The following BRME1 variants were observed in gnomAD, a reference collection of about 807,000 sequenced individuals.
BRME1 encodes the protein break repair meiotic recombinase recruitment factor 1.
Under a neutral mutation model 52.6 loss-of-function variants are expected in BRME1, and 31 were observed. The observed-to-expected ratio is 0.59, with a 90% CI of 0.44 to 0.80. BRME1 has a LOEUF of 0.80. Ranked by LOEUF, BRME1 falls within the 30% of genes least tolerant of loss-of-function variation. The probability of loss-of-function intolerance (pLI) is 0.00; values close to 1 mark genes in which losing one functional copy is unlikely to be tolerated. For missense variants in BRME1, 804 were observed against 860.3 expected, an observed-to-expected ratio of 0.93 and a Z score of 0.82; for synonymous variants, 359 against 353.6, an observed-to-expected ratio of 1.02 and a Z score of -0.17.
Position 13,889,858 on chromosome 19 carries a change from G to C in BRME1, c.998C>G (p.Ser333Cys). 2 of 1,613,248 alleles carry C rather than the reference G, an allele frequency of 1.2e-6. No individual in the cohort carries two copies. Among genetic ancestry groups the C allele is most frequent in the Non-Finnish European group, 8.5e-7 (1 of 1,179,988 alleles). ...EGTHSSLGCS[S>C]LGMVVIADLS... Reference sequence around the variant, plus strand: ...GTCTGCGATGACAACCATCCCGAGGGAGGAGCATCCCAGGCTGCTATGAGT... The same window carrying C: ...GTCTGCGATGACAACCATCCCGAGGCAGGAGCATCCCAGGCTGCTATGAGT... Residue 333 changes from serine to cysteine, a missense_variant, in exon 6 of 9, where the codon TCC becomes TGC. This residue lies in a region of BRME1 where 552 missense variants were observed against 561.1 expected (regional missense o/e 0.98). Coordinates refer to ENST00000586783, the MANE Select transcript of BRME1 (RefSeq NM_001345843.2).
At chr19:13,893,831 C>T (rs955406521) in intron 3 of BRME1, among the ~76,000 whole-genome samples, 10 of 151,908 alleles carry the variant, frequency 6.6e-5, no homozygotes, top group Admixed American at 3.3e-4. Context: ...ATGTCACGAT[C>T]ATCTGAGCCA....
intron 2 of BRME1, among the ~76,000 whole-genome samples, chr19:13,902,925 CAA>C (rs924463865): frequency 1.1e-4 from 10 of 87,992 alleles, no homozygotes; most frequent in African/African-American, 4.1e-5. Flanking sequence ...AACTCCGTCT[CAA>C]AAAAAAAAAA....
intron 2 of BRME1, among the ~76,000 whole-genome samples, chr19:13,896,185 G>C (rs978427945): frequency 3.3e-5 from 5 of 151,880 alleles, no homozygotes; most frequent in Non-Finnish European, 7.4e-5. Flanking sequence ...CAGGAGAATC[G>C]CTTGAACCTG....
At position 13,889,546 on chromosome 19, in the gene BRME1, T is replaced by A. The variant is rs763741668; in HGVS notation, c.1310A>T (p.His437Leu). 17 of 1,613,638 alleles carry A rather than the reference T, an allele frequency of 1.1e-5. No homozygotes were observed. The highest frequency in any genetic ancestry group is 1.7e-5 in the Admixed American group (1 of 59,990). ...ACATGGACCTGTGTCCGGGGATGCA[T>A]GACCGGAATCTCCAGCACCCATCAT... is the stretch of plus-strand genomic sequence containing the variant. ...ESMMGAGDSG[H>L]ASPDTGPCVN... Residue 437 changes from histidine (H) to leucine (L), a missense_variant, in exon 6 of 9, where the codon CAT becomes CTT. Transcript: ENST00000586783.
At chr19:13,894,856 T>C (rs542332047) in intron 3 of BRME1, among the ~76,000 whole-genome samples, 4 of 152,274 alleles carry the variant, frequency 2.6e-5, no homozygotes, top group African/African-American at 9.6e-5. Context: ...CCCTGAAAAA[T>C]GCAATGTTAT....
rs966108008 is a variant in BRME1 at position 13,882,601 on chromosome 19, A to C, written c.*201T>G. The C allele has an allele frequency of 2.5e-5, 16 of 637,032 alleles. No individual in the cohort carries two copies. In the African/African-American group the frequency reaches 2.8e-4, roughly 11 times the overall value. 39.5% of individuals were successfully genotyped at this position (637,032 alleles called of 1,614,324 possible). Reference sequence around the variant, plus strand: ...GTGGGAGACACAGTTTCCCTCCCTGAAGCCAAGGGTGGCAAATGACCTTGA... The same window carrying C: ...GTGGGAGACACAGTTTCCCTCCCTGCAGCCAAGGGTGGCAAATGACCTTGA... On this transcript the variant is annotated 3_prime_UTR_variant, in exon 9 of 9. Coordinates refer to ENST00000586783, the MANE Select transcript of BRME1 (RefSeq NM_001345843.2).
intron 2 of BRME1, among the ~76,000 whole-genome samples, chr19:13,903,652 G>A (rs992317407): frequency 2.9e-4 from 41 of 143,784 alleles, no homozygotes; most frequent in African/African-American, 1.0e-3. Flanking sequence ...CAGCCTGGAC[G>A]ACAGAGTCAG....
intron 6 of BRME1, 93 bp downstream of exon 6, chr19:13,889,095 C>T: frequency 1.6e-6 from 2 of 1,215,728 alleles, no homozygotes; most frequent in Non-Finnish European, 2.3e-6. Context: ...AGCCCCAGCT[C>T]CCCCTCTGCC....
rs753470005 is a variant in BRME1 at position 13,890,312 on chromosome 19, C to T, written c.544G>A (p.Ala182Thr). Residue 182 changes from alanine to threonine, a missense_variant, in exon 6 of 9, where the codon GCG (alanine) becomes ACG (threonine). By Grantham distance (58) the Ala-to-Thr change is moderately conservative (BLOSUM62 0). Transcript: ENST00000586783. ...TGAGAATCCCCACTGCCGGGCACCGCCTGCACAGGGCTCTGGCTGCTCTGC... is the reference window on the plus strand; with the variant it reads ...TGAGAATCCCCACTGCCGGGCACCGTCTGCACAGGGCTCTGGCTGCTCTGC... ...PEQSSQSPVQAVPGSGDSQPD... is the reference protein window; with the variant it reads ...PEQSSQSPVQTVPGSGDSQPD... 1 of 1,607,326 alleles carries T rather than the reference C, an allele frequency of 6.2e-7. No individual in the cohort carries two copies. Among genetic ancestry groups the T allele is most frequent in the South Asian group, 1.1e-5 (1 of 90,068 alleles).
chr19:13,899,684 C>T (rs1472519097), intron 2 of BRME1, among the ~76,000 whole-genome samples: 3 of 152,092 alleles, frequency 2.0e-5, no homozygotes, highest in African/African-American at 7.2e-5. Context: ...AGTAAAGCTC[C>T]GATGGACATT....
At chr19:13,903,192 C>A (rs1031417618) in intron 2 of BRME1, among the ~76,000 whole-genome samples, 1 of 152,130 alleles carries the variant, frequency 6.6e-6, no homozygotes, top group African/African-American at 2.4e-5. Context: ...TAGGTCAGTT[C>A]TGGGTGCTTT....
chr19:13,886,778 G>A lies in BRME1; in HGVS notation c.1669-723C>T, dbSNP rs576866965. Among the ~76,000 whole-genome samples the A allele has an allele frequency of 5.5e-5, 8 of 144,328 alleles. No individual in the cohort carries two copies. In the East Asian group the frequency reaches 6.0e-4, roughly 11 times the overall value. The allele number at this position is 144,328 out of a possible 152,430, so 94.7% of individuals were successfully genotyped here. A position where few individuals can be genotyped will look rare whatever the true frequency, so the allele number is the denominator to read the frequency against. ...AGTTCCAGACCAGCCTGGGCAACAC[G>A]GCGAGACCCTGTCTGTACAAAAAAA... On this transcript the variant is annotated intron_variant, in intron 6 of 8. Transcript: ENST00000586783.
intron 6 of BRME1, among the ~76,000 whole-genome samples, chr19:13,886,322 C>T (rs970273207): frequency 1.3e-5 from 2 of 152,206 alleles, no homozygotes; most frequent in Non-Finnish European, 1.5e-5. Flanking sequence ...CTCCTAGGCC[C>T]GGGCCTCCCA....
intron 1 of BRME1, 142 bp from the exon 2 acceptor site, chr19:13,905,055 G>A (rs1970585382): frequency 1.5e-6 from 1 of 664,572 alleles, no homozygotes; most frequent in Admixed American, 2.5e-5. Context: ...CTCCCACTGG[G>A]ACACAGGATG....
intron 2 of BRME1, among the ~76,000 whole-genome samples, chr19:13,896,604 ATATTTATACATATG>A (rs1568386855): frequency 6.8e-6 from 1 of 146,056 alleles, no homozygotes; most frequent in East Asian, 1.9e-4. Flanking sequence ...GTAAATATAT[ATATTTATACATATG>A]TATTTATACA....
chr19:13,885,068 C>A (rs1189146995), intron 7 of BRME1: 1 of 152,456 alleles, frequency 6.6e-6, no homozygotes, highest in African/African-American at 2.4e-5. Context: ...GGTCCACGTG[C>A]AGGTTGTGTG....
Position 13,889,614 on chromosome 19 carries a change from G to A in BRME1, c.1242C>T (p.Gly414=), listed in dbSNP as rs1969310622. 2 of 1,610,168 alleles carry A rather than the reference G, an allele frequency of 1.2e-6. No homozygotes were observed. The highest frequency in any genetic ancestry group is 2.2e-5 in the South Asian group (2 of 90,854). Residue 414 remains glycine, a synonymous_variant, in exon 6 of 9, where the codon GGC becomes GGT. Coordinates refer to ENST00000586783, the MANE Select transcript of BRME1 (RefSeq NM_001345843.2). ...DGKPPGDVLV[G]PTASLALAPG... is the part of the protein sequence containing the mutation. ...GTGCCAGAGCCAGGGAGGCTGTAGG[G>A]CCCACTAGGACATCGCCGGGGGGCT...
At position 13,883,298 on chromosome 19, in the gene BRME1, C is replaced by T; in HGVS notation, c.1856+10G>A. 5 of 1,531,170 alleles carry T rather than the reference C, an allele frequency of 3.3e-6. No individual in the cohort carries two copies. Among genetic ancestry groups the T allele is most frequent in the Non-Finnish European group, 4.4e-6 (5 of 1,142,808 alleles). 94.8% of individuals were successfully genotyped at this position (1,531,170 alleles called of 1,614,324 possible). A position where few individuals can be genotyped will look rare whatever the true frequency, so the allele number is the denominator to read the frequency against. On this transcript the variant is annotated intron_variant, in intron 8 of 8. Transcript: ENST00000586783. The surrounding 1 kb of genome is among the most constrained non-coding windows in gnomAD (Gnocchi z 4.2). ...AGACCCTGTGCCGTGAGTCCAAGCCCACCCCGTACTTCAGGTTGGAGAGCT... is the reference window on the plus strand; with the variant it reads ...AGACCCTGTGCCGTGAGTCCAAGCCTACCCCGTACTTCAGGTTGGAGAGCT...
At position 13,890,088 on chromosome 19, in the gene BRME1, C is replaced by T. The variant is rs765592852; in HGVS notation, c.768G>A (p.Gly256=). 6.2e-7 allele frequency: 1 copy of T among 1,613,820 alleles called. No homozygotes were observed. The highest frequency in any genetic ancestry group is 1.1e-5 in the South Asian group (1 of 91,070). Residue 256 remains glycine, a synonymous_variant, in exon 6 of 9, where the codon GGG becomes GGA. Transcript: ENST00000586783. The part of the protein sequence containing the change: ...KPDRGAPQEG[G]AQRTAGAGLP... ...GGCCAGCCCCTGCTGTCCTTTGGGC[C>T]CCTCCCTCCTGGGGGGCTCCTCTGT...
Sources: allele counts gnomAD v4.1 joint callset (sites outside exome capture counted in the v4.1 genomes callset), GRCh38; gene constraint gnomAD v4.1.1; regional missense constraint gnomAD v4.1.1; non-coding constraint Gnocchi (gnomAD v3.1); transcripts MANE v1.5; gene names NCBI Gene and HGNC (gene_info 2026-07-23, HGNC 2026-07-21).